DOT1L: variants seen among roughly 807,000 people sequenced by gnomAD.
The protein encoded by DOT1L is DOT1 like histone lysine methyltransferase.
Under a neutral mutation model 153.3 loss-of-function variants are expected in DOT1L, and 33 were observed. The observed-to-expected ratio is 0.22, with a 90% confidence interval of 0.16 to 0.29. The LOEUF is 0.29. Ranked by LOEUF, DOT1L falls within the 10% of genes least tolerant of loss-of-function variation. The pLI is 1.00. For missense variants in DOT1L, 1,847 were observed against 2,119.9 expected (o/e 0.87, Z 2.53); for synonymous variants, 1,135 against 965.1 (o/e 1.18, Z -3.26).
In DOT1L at chr19:2,206,745, C is replaced by G. The variant is rs1212622699; in HGVS notation, c.804C>G (p.Ser268=). Residue 268 remains serine, a synonymous_variant, in exon 10 of 28, where the codon TCC becomes TCG. Transcript: ENST00000398665. ...GTGTTTCAGGTGGCAGAATCGTGTCCTCGAAACCCTTTGCACCTCTGAACT... is the reference window on the plus strand; with the variant it reads ...GTGTTTCAGGTGGCAGAATCGTGTCGTCGAAACCCTTTGCACCTCTGAACT... ...ANMKEGGRIV[S]SKPFAPLNFR... 6.2e-7 allele frequency: 1 copy of G among 1,613,912 alleles called. No individual in the cohort carries two copies. Among genetic ancestry groups the G allele is most frequent in the Non-Finnish European group, 8.5e-7 (1 of 1,179,892 alleles).
At chr19:2,205,591 T>C (rs1433292313) in intron 9 of DOT1L, among the ~76,000 whole-genome samples, 1 of 152,236 alleles carries the variant, frequency 6.6e-6, no homozygotes, top group Non-Finnish European at 1.5e-5. Context: ...TTTGAAATAA[T>C]TCTTTTCGCA....
rs755879638 is a variant in DOT1L, at chr19:2,180,696, TTC to T, written c.82-9_82-8del. The T allele has an allele frequency of 1.5e-5, 24 of 1,613,964 alleles. No homozygotes were observed. The highest frequency in any genetic ancestry group is 1.5e-4 in the African/African-American group (11 of 75,008). ...TGGAGGATGGCTCTGCGTCTCAAAC[TTC>T]TCTCTCTGTTTCAGGATAAACATCA... On this transcript the variant is annotated splice_polypyrimidine_tract_variant and intron_variant, in intron 1 of 27. Transcript: ENST00000398665.
chr19:2,168,925 T>A (rs1225049138), intron 1 of DOT1L, among the ~76,000 whole-genome samples: 2 of 152,144 alleles, frequency 1.3e-5, no homozygotes, highest in African/African-American at 2.4e-5. Context: ...TGCGTGGTAT[T>A]TCTAGGGCAG....
intron 1 of DOT1L, among the ~76,000 whole-genome samples, chr19:2,175,514 TATC>T (rs1407783804): frequency 1.3e-5 from 2 of 152,206 alleles, no homozygotes; most frequent in African/African-American, 2.4e-5. Flanking sequence ...ACTGGAATAT[TATC>T]ATTTTATCAT....
In DOT1L at chr19:2,229,644, T is replaced by C. The variant is rs1013510260; in HGVS notation, c.4607-141T>C. The C allele has an allele frequency of 1.4e-5, 22 of 1,587,226 alleles. No individual in the cohort carries two copies. The Admixed American group carries it at 1.7e-4, about 12-fold the overall frequency. On this transcript the variant is annotated intron_variant, in intron 27 of 27. Coordinates refer to ENST00000398665, the MANE Select transcript of DOT1L (RefSeq NM_032482.3). ...CGTCGTCTGTTGTGGTTAGAGGAGC[T>C]GGCACTATGCCTGTCATGGTGCTGG...
At chr19:2,170,129 G>C (rs2020070488) in intron 1 of DOT1L, among the ~76,000 whole-genome samples, 2 of 152,192 alleles carry the variant, frequency 1.3e-5, no homozygotes, top group Non-Finnish European at 2.9e-5. Flanking sequence ...GTGAGACTCT[G>C]TCTCAAACAA....
At chr19:2,213,397 TCTCAGCCCGGTGTGGGTCCC>T in intron 16 of DOT1L, 122 bp from the exon 17 acceptor site, 2 of 764,600 alleles carry the variant, frequency 2.6e-6, no homozygotes, top group Non-Finnish European at 4.2e-6. Flanking sequence ...TTTCTTGACA[TCTCAGCCCGGTGTGGGTCCC>T]CTCAGGCATG....
At position 2,210,780 on chromosome 19, in the gene DOT1L, C is replaced by T. The variant is rs1489692234; in HGVS notation, c.1276C>T (p.Pro426Ser). The T allele has an allele frequency of 6.2e-7, 1 of 1,612,946 alleles. No individual in the cohort carries two copies. Among genetic ancestry groups the T allele is most frequent in the African/African-American group, 1.3e-5 (1 of 74,946 alleles). The change falls in exon 14 of 28, where the codon CCC (proline) becomes TCC (serine). Residue 426 changes from proline to serine, a missense_variant. By Grantham distance (74) the Pro-to-Ser change is moderately conservative. Around this residue, in one of 8 missense-constraint regions of DOT1L, gnomAD observed 205 missense variants for 203.1 expected, o/e 1.01. Transcript: ENST00000398665. ...KMNTANPERK[P>S]KKNQTALDAL... ...GAACACTGCGAACCCCGAGCGGAAG[C>T]CCAAGAAGAACCAAACTGCACTGGA...
intron 1 of DOT1L, among the ~76,000 whole-genome samples, chr19:2,178,723 G>A (rs1395327453): frequency 6.6e-6 from 1 of 150,678 alleles, no homozygotes; most frequent in African/African-American, 2.4e-5. Flanking sequence ...GCCCGGCCAC[G>A]CCCAGCTAAT....
At position 2,221,609 on chromosome 19, in the gene DOT1L, AG is replaced by A. The variant is rs567241339; in HGVS notation, c.2807-366del. On this transcript the variant is annotated intron_variant, in intron 23 of 27. Transcript: ENST00000398665. ...AGAACAGGAGGGAGGGAGGCCACGC[AG>A]CCATGGGCTTTCCTCATGGTGTCTC... 4.4e-4 allele frequency: 120 copies of A among 274,378 alleles called. 1 individual carries two copies. Among genetic ancestry groups the A allele is most frequent in the African/African-American group, 2.5e-3 (114 of 45,806 alleles). The allele number at this position is 274,378 out of a possible 1,614,324, so 17.0% of individuals were successfully genotyped here.
chr19:2,229,889 G>C lies in DOT1L; in HGVS notation c.*97G>C. 1 of 1,606,838 alleles carries C rather than the reference G, an allele frequency of 6.2e-7. No individual in the cohort carries two copies. Among genetic ancestry groups the C allele is most frequent in the Non-Finnish European group, 8.5e-7 (1 of 1,177,292 alleles). On this transcript the variant is annotated 3_prime_UTR_variant, in exon 28 of 28. Coordinates refer to ENST00000398665, the MANE Select transcript of DOT1L (RefSeq NM_032482.3). ...CCGGCCTGCCGGGCTCCCACCCCTG[G>C]ACGGCAGAGGCAAGGACGGACGGGA...
chr19:2,196,009 G>T (rs2023003808), intron 7 of DOT1L, among the ~76,000 whole-genome samples: 1 of 152,348 alleles, frequency 6.6e-6, no homozygotes, highest in South Asian at 2.1e-4. Context: ...CCGCCCGTCT[G>T]CCTGGAGCTC....
chr19:2,180,869 A>G, intron 2 of DOT1L, 113 bp downstream of exon 2: 3 of 1,319,326 alleles, frequency 2.3e-6, no homozygotes, highest in Non-Finnish European at 3.2e-6. Context: ...GGACTCCTGG[A>G]GGTGTTGTGA....
chr19:2,228,789 C>G, intron 27 of DOT1L: 1 of 985,394 alleles, frequency 1.0e-6, no homozygotes, highest in Non-Finnish European at 1.2e-6. Flanking sequence ...TGGTGCTGTT[C>G]CCCAGGCGCC....
chr19:2,225,030 TGA>T (rs1374566708), intron 25 of DOT1L, among the ~76,000 whole-genome samples: 5 of 152,208 alleles, frequency 3.3e-5, no homozygotes, highest in Non-Finnish European at 7.3e-5. Flanking sequence ...CACCGAGGTC[TGA>T]GAGGGGCCGG....
chr19:2,225,461 CAA>C lies in DOT1L; in HGVS notation c.3661+10_3661+11del, dbSNP rs1568370604. ...GAAAACCTTGGAAAATGGTGAGTAA[CAA>C]GTGTTTTGCGGCGTGGCCAGGCCTG... On this transcript the variant is annotated intron_variant, in intron 26 of 27. Transcript: ENST00000398665. 5.0e-6 allele frequency: 8 copies of C among 1,614,030 alleles called. No individual in the cohort carries two copies. The highest frequency in any genetic ancestry group is 6.8e-6 in the Non-Finnish European group (8 of 1,179,956).
At chr19:2,187,387 C>T (rs767242128) in intron 3 of DOT1L, among the ~76,000 whole-genome samples, 7 of 152,220 alleles carry the variant, frequency 4.6e-5, no homozygotes, top group African/African-American at 9.7e-5. Context: ...CCTTCCTCTT[C>T]GCGTGGGATG....
At position 2,225,373 on chromosome 19, in the gene DOT1L, T is replaced by C; in HGVS notation, c.3597-15T>C. 2 of 1,611,724 alleles carry C rather than the reference T, an allele frequency of 1.2e-6. No individual in the cohort carries two copies. Among genetic ancestry groups the C allele is most frequent in the Non-Finnish European group, 1.7e-6 (2 of 1,177,874 alleles). The stretch of plus-strand genomic sequence containing the variant: ...AGCTGGGTTTCAAGCATTAATGACC[T>C]TTTTTTCTTAACAGAATTGAGAGAA... On this transcript the variant is annotated splice_polypyrimidine_tract_variant and intron_variant, in intron 25 of 27. Coordinates refer to ENST00000398665, the MANE Select transcript of DOT1L (RefSeq NM_032482.3).
rs200206046 is a variant in DOT1L, at chr19:2,216,939, C to T, written c.2409-16C>T. The T allele has an allele frequency of 4.1e-5, 65 of 1,600,978 alleles. No homozygotes were observed. In the Admixed American group the frequency reaches 1.1e-3, roughly 26 times the overall value. The stretch of plus-strand genomic sequence containing the variant: ...AGCCCACGGCCCTCGAGAGTGACTG[C>T]AGCTTCTCATTCCAGAGCTGAGCAC... On this transcript the variant is annotated splice_polypyrimidine_tract_variant and intron_variant, in intron 20 of 27. Coordinates refer to ENST00000398665, the MANE Select transcript of DOT1L (RefSeq NM_032482.3).
Sources: allele counts gnomAD v4.1 joint callset (sites outside exome capture counted in the v4.1 genomes callset), GRCh38; gene constraint gnomAD v4.1.1; regional missense constraint gnomAD v4.1.1; transcripts MANE v1.5; gene names NCBI Gene and HGNC (gene_info 2026-07-23, HGNC 2026-07-21).